The following ZNF474 variants were observed in gnomAD, a reference collection of about 807,000 sequenced individuals.
The protein encoded by ZNF474 is 4933409D10Rik.
For missense variants in ZNF474, 511 were observed against 433.8 expected (o/e 1.18, Z -1.58); for synonymous variants, 192 against 162.2 (o/e 1.18, Z -1.39).
At chr5:122,131,768 C>T (rs900413362) in intron 1 of ZNF474, among the ~76,000 whole-genome samples, 12 of 152,026 alleles carry the variant, frequency 7.9e-5, no homozygotes, top group African/African-American at 2.7e-4. Flanking sequence ...GAGTACTTTT[C>T]ATGAACTTCT....
chr5:122,133,428 C>G (rs1041909428), intron 1 of ZNF474, among the ~76,000 whole-genome samples: 1 of 152,170 alleles, frequency 6.6e-6, no homozygotes, highest in Non-Finnish European at 1.5e-5. Flanking sequence ...TATAAACATT[C>G]AAATGTTAAC....
At chr5:122,150,228 C>T (rs781760022) in intron 1 of ZNF474, among the ~76,000 whole-genome samples, 15 of 152,080 alleles carry the variant, frequency 9.9e-5, no homozygotes, top group South Asian at 2.1e-4. Flanking sequence ...TGGTACTGAT[C>T]GAGTGATAAA....
rs1165540829 is a variant in ZNF474 at position 122,153,001 on chromosome 5, C to G, written c.1011C>G (p.Asn337Lys). ...ACACTAATTCCAAGCAGCAAAGGAA[C>G]AGGGCAGCACCCAGTGTAACTGATA... Reference protein sequence around the residue: ...KEYTNSKQQRNRAAPSVTDKV... With the variant: ...KEYTNSKQQRKRAAPSVTDKV... The change falls in exon 2 of 2, where the codon AAC becomes AAG. Residue 337 changes from asparagine (N) to lysine (K), a missense_variant. Transcript: ENST00000296600. The G allele has an allele frequency of 6.2e-7, 1 of 1,613,984 alleles. No homozygotes were observed. Among genetic ancestry groups the G allele is most frequent in the Admixed American group, 1.7e-5 (1 of 60,006 alleles).
At chr5:122,147,794 A>G (rs1055054002) in intron 1 of ZNF474, 2 of 152,118 alleles carry the variant, frequency 1.3e-5, no homozygotes, top group Non-Finnish European at 2.9e-5. Context: ...ACACCTTCTA[A>G]TGCCAAGATG....
Position 122,152,497 on chromosome 5 carries a change from A to G in ZNF474, c.507A>G (p.Glu169=). 3.1e-6 allele frequency: 5 copies of G among 1,614,168 alleles called. No individual in the cohort carries two copies. ...QSAQAQLLPC[E]SCGRTFLPDH... ...CCCAGGCTCAGCTGCTGCCCTGTGA[A>G]TCCTGTGGCCGCACATTCTTGCCAG... Residue 169 remains glutamate (E), a synonymous_variant, in exon 2 of 2, where the codon GAA becomes GAG. Transcript: ENST00000296600.
intron 1 of ZNF474, among the ~76,000 whole-genome samples, chr5:122,147,451 T>G (rs529162483): frequency 1.1e-4 from 16 of 152,312 alleles, no homozygotes; most frequent in Non-Finnish European, 1.8e-4. Flanking sequence ...GGTATACATG[T>G]GCCATGTTGG....
chr5:122,130,376 T>C (rs145049304), intron 1 of ZNF474, among the ~76,000 whole-genome samples: 81 of 152,286 alleles, frequency 5.3e-4, no homozygotes, highest in African/African-American at 1.9e-3. Context: ...ACTGTTTTGA[T>C]TTCTGTCCTC....
chr5:122,152,875 C>G lies in ZNF474; in HGVS notation c.885C>G (p.Thr295=). The G allele has an allele frequency of 6.2e-7, 1 of 1,614,130 alleles. No homozygotes were observed. Among genetic ancestry groups the G allele is most frequent in the Non-Finnish European group, 8.5e-7 (1 of 1,180,036 alleles). The change falls in exon 2 of 2, where the codon ACC becomes ACG. Residue 295 remains threonine (T), a synonymous_variant. Transcript: ENST00000296600. ...GCCCACATTGTAGCCGAATCTTTAC[C>G]TCAGACCGCCTCCTGGTACACCAGA... The part of the protein sequence containing the change: ...VFCPHCSRIF[T]SDRLLVHQRS...
chr5:122,153,299 G>A lies in ZNF474; in HGVS notation c.*214G>A. 1.9e-6 allele frequency: 1 copy of A among 522,954 alleles called. No homozygotes were observed. Among genetic ancestry groups the A allele is most frequent in the Non-Finnish European group, 3.3e-6 (1 of 303,368 alleles). The allele number at this position is 522,954 out of a possible 1,614,324, so 32.4% of individuals were successfully genotyped here. On this transcript the variant is annotated 3_prime_UTR_variant, in exon 2 of 2. Transcript: ENST00000296600. The stretch of plus-strand genomic sequence containing the variant: ...TCTGCTGTCTAAAAGAAGAAGAGAT[G>A]GACTTCTTTCTTCCCTGATCCCTGA...
rs771944641 is a variant in ZNF474, at chr5:122,152,155, G to A, written c.165G>A (p.Lys55=). The change falls in exon 2 of 2, where the codon AAG becomes AAA. Residue 55 remains lysine, a synonymous_variant. Coordinates refer to ENST00000296600, the MANE Select transcript of ZNF474 (RefSeq NM_207317.3). ...TESVNPGENI[K]TDTQKKRPGT... is the part of the protein sequence containing the mutation. ...GTGTTAATCCTGGTGAAAATATAAA[G>A]ACAGACACTCAGAAAAAGAGACCTG... is the stretch of plus-strand genomic sequence containing the variant. The A allele has an allele frequency of 1.2e-6, 2 of 1,613,946 alleles. No individual in the cohort carries two copies. Among genetic ancestry groups the A allele is most frequent in the Admixed American group, 1.7e-5 (1 of 59,978 alleles).
At chr5:122,149,363 C>T (rs1580608980) in intron 1 of ZNF474, among the ~76,000 whole-genome samples, 2 of 152,308 alleles carry the variant, frequency 1.3e-5, no homozygotes, top group East Asian at 3.9e-4. Context: ...TCTCTCTCTT[C>T]TGCTTTGTCC....
chr5:122,151,713 G>GTGTGTA (rs1756180135), intron 1 of ZNF474, 66 bp from the exon 2 acceptor site: 2 of 305,694 alleles, frequency 6.5e-6, no homozygotes, highest in African/African-American at 4.3e-5. Context: ...AAATGTGTGT[G>GTGTGTA]TGTGTGTGTG....
chr5:122,135,673 A>G (rs779174009), intron 1 of ZNF474, among the ~76,000 whole-genome samples: 14 of 152,180 alleles, frequency 9.2e-5, no homozygotes, highest in Non-Finnish European at 2.1e-4. Flanking sequence ...TCAGTATGCC[A>G]AAGAGATATC....
rs778408500 is a variant in ZNF474, at chr5:122,152,716, A to T, written c.726A>T (p.Lys242Asn). The change falls in exon 2 of 2, where the codon AAA becomes AAT. Residue 242 changes from lysine (K) to asparagine (N), a missense_variant. Lys to Asn is a moderately conservative substitution (Grantham distance 94). Coordinates refer to ENST00000296600, the MANE Select transcript of ZNF474 (RefSeq NM_207317.3). ...GTLSLPIHEP[K>N]CLEKWKMEND... is the part of the protein sequence containing the mutation. ...TGTCCCTTCCTATTCATGAGCCCAA[A>T]TGCCTGGAAAAGTGGAAAATGGAAA... is the stretch of plus-strand genomic sequence containing the variant. 7.4e-6 allele frequency: 12 copies of T among 1,614,128 alleles called. No individual in the cohort carries two copies. The highest frequency in any genetic ancestry group is 9.3e-6 in the Non-Finnish European group (11 of 1,180,038).
rs1756230100 is a variant in ZNF474 at position 122,152,775 on chromosome 5, T to C, written c.785T>C (p.Leu262Pro). The change falls in exon 2 of 2, where the codon CTC becomes CCC. Residue 262 changes from leucine (L) to proline (P), a missense_variant. Transcript: ENST00000296600. ...DRLPVELHQPLPQKPQPLPNA... is the reference protein window; with the variant it reads ...DRLPVELHQPPPQKPQPLPNA... ...CTCCCTGTGGAGCTCCACCAGCCAC[T>C]CCCACAGAAGCCTCAGCCCCTTCCG... is the stretch of plus-strand genomic sequence containing the variant. 1 of 1,614,100 alleles carries C rather than the reference T, an allele frequency of 6.2e-7. No individual in the cohort carries two copies. The highest frequency in any genetic ancestry group is 2.2e-5 in the East Asian group (1 of 44,870).
At chr5:122,140,369 C>G (rs1469019315) in intron 1 of ZNF474, among the ~76,000 whole-genome samples, 1 of 152,206 alleles carries the variant, frequency 6.6e-6, no homozygotes, top group Non-Finnish European at 1.5e-5. Context: ...ATAATATCCA[C>G]ACTATAGTTC....
chr5:122,134,506 G>T (rs892755006), intron 1 of ZNF474, among the ~76,000 whole-genome samples: 1 of 152,180 alleles, frequency 6.6e-6, no homozygotes, highest in Admixed American at 6.5e-5. Context: ...AATAGTTAAG[G>T]GCTCGTAAGC....
chr5:122,133,557 T>TATTC (rs1212642269), intron 1 of ZNF474, among the ~76,000 whole-genome samples: 1 of 152,216 alleles, frequency 6.6e-6, no homozygotes, highest in Non-Finnish European at 1.5e-5. Context: ...CAGATTATTT[T>TATTC]ATTCATTCAT....
chr5:122,143,526 G>C (rs901732581), intron 1 of ZNF474, among the ~76,000 whole-genome samples: 4 of 152,102 alleles, frequency 2.6e-5, no homozygotes, highest in African/African-American at 9.7e-5. Flanking sequence ...ATCAATTTTA[G>C]ACACTTGATG....
Sources: gnomAD v4.1 joint callset for allele counts (sites outside exome capture counted in the v4.1 genomes callset) on GRCh38, gnomAD v4.1.1 for gene constraint, MANE v1.5 for transcripts, NCBI Gene and HGNC (gene_info 2026-07-23, HGNC 2026-07-21) for gene names.